PCDHA2: variants seen among roughly 807,000 people sequenced by gnomAD.
The protein encoded by PCDHA2 is protocadherin alpha-2.
A neutral mutation model predicts 66.0 loss-of-function variants in PCDHA2; 58 were observed. That is an observed-to-expected ratio of 0.88 (90% CI 0.71 to 1.09). The LOEUF (loss-of-function observed/expected upper bound fraction) is 1.09. Ranked by LOEUF, PCDHA2 falls within the 50% of genes least tolerant of loss-of-function variation. PCDHA2 has a pLI of 0.00. For synonymous variants in PCDHA2, 634 were observed against 554.0 expected (o/e 1.14, Z -2.03); for missense variants, 1,267 against 1,242.3 (o/e 1.02, Z -0.30).
chr5:140,846,374 T>C (rs1024304715), intron 1 of PCDHA2, among the ~76,000 whole-genome samples: 1 of 30,854 alleles, frequency 3.2e-5, no homozygotes, highest in African/African-American at 1.1e-4. Context: ...TCTTTCTTTC[T>C]TTTTTTTTTT....
intron 1 of PCDHA2, chr5:140,822,231 G>A: frequency 6.2e-7 from 1 of 1,614,236 alleles, no homozygotes; most frequent in Non-Finnish European, 8.5e-7. Context: ...CGCGGTTTCC[G>A]CTAGAGGGCG....
At chr5:140,956,356 T>C (rs1283114496) in intron 1 of PCDHA2, among the ~76,000 whole-genome samples, 3 of 152,218 alleles carry the variant, frequency 2.0e-5, no homozygotes, top group Non-Finnish European at 4.4e-5. Flanking sequence ...ATTTTTAACA[T>C]GAAGGGATGT....
chr5:140,851,315 T>C (rs2042026513), intron 1 of PCDHA2: 1 of 992,586 alleles, frequency 1.0e-6, no homozygotes, highest in African/African-American at 1.7e-5. Context: ...AATTGTTACC[T>C]TGTTAAGTTT....
In PCDHA2 at chr5:140,978,974, G is replaced by A. The variant is rs150254638; in HGVS notation, c.2414G>A (p.Arg805His). The A allele has an allele frequency of 2.1e-3, 3,356 of 1,614,130 alleles. 1 individual carries two copies. The highest frequency in any genetic ancestry group is 2.7e-3 in the Non-Finnish European group (3,158 of 1,180,020). The change falls in exon 2 of 4, where the codon CGT becomes CAT. Residue 805 changes from arginine (R) to histidine (H), a missense_variant. Coordinates refer to ENST00000526136, the MANE Select transcript of PCDHA2 (RefSeq NM_018905.3). ...GKPRQPNPDW[R>H]YSASLRAGMH... is the part of the protein sequence containing the mutation. ...CCACGACAGCCCAACCCTGACTGGC[G>A]TTACTCTGCCTCCCTGAGAGCAGGC...
intron 1 of PCDHA2, chr5:140,851,868 C>A: frequency 1.0e-6 from 1 of 976,710 alleles, no homozygotes; most frequent in Non-Finnish European, 1.2e-6. Context: ...ATACATAACA[C>A]AAGGCAGAAA....
intron 3 of PCDHA2, among the ~76,000 whole-genome samples, chr5:141,004,659 G>C (rs1012907350): frequency 1.3e-5 from 2 of 152,182 alleles, no homozygotes; most frequent in Admixed American, 1.3e-4. Context: ...GGCTCTGAGG[G>C]CAACTAAAGG....
intron 1 of PCDHA2, chr5:140,858,229 G>A (rs1335853818): frequency 6.3e-7 from 1 of 1,596,360 alleles, no homozygotes. Context: ...CGCCCACCGA[G>A]GGCGCATGTG....
At chr5:140,949,171 C>T (rs1554218845) in intron 1 of PCDHA2, among the ~76,000 whole-genome samples, 1 of 151,632 alleles carries the variant, frequency 6.6e-6, no homozygotes, top group Non-Finnish European at 1.5e-5. Flanking sequence ...CTCTTTTGGT[C>T]AGAGAACATA....
intron 1 of PCDHA2, chr5:140,867,470 T>C (rs1010353201): frequency 2.0e-5 from 3 of 152,066 alleles, no homozygotes; most frequent in Non-Finnish European, 4.4e-5. Context: ...ATGACAACAT[T>C]GGGAAAAGAG....
chr5:140,891,592 T>G (rs1162338197), intron 1 of PCDHA2, among the ~76,000 whole-genome samples: 1 of 152,216 alleles, frequency 6.6e-6, no homozygotes, highest in East Asian at 1.9e-4. Context: ...TATTACTCTA[T>G]CCCATCTATT....
chr5:140,846,361 T>TTTTC lies in PCDHA2; in HGVS notation c.2388+49021_2388+49024dup, dbSNP rs1362162129. ...AAAGTGCTTTCTCTTTTTTCTTTTC[T>TTTTC]TTTCTTTCTTTCTTTTTTTTTTTTT... is the stretch of plus-strand genomic sequence containing the variant. On this transcript the variant is annotated intron_variant, in intron 1 of 3. Coordinates refer to ENST00000526136, the MANE Select transcript of PCDHA2 (RefSeq NM_018905.3). 1.5e-5 allele frequency among the ~76,000 whole-genome samples: 2 copies of TTTTC among 133,632 alleles called. 1 individual carries two copies. Among genetic ancestry groups the TTTTC allele is most frequent in the Non-Finnish European group, 3.2e-5 (2 of 63,348 alleles). 87.7% of individuals were successfully genotyped at this position (133,632 alleles called of 152,430 possible). A position where few individuals can be genotyped will look rare whatever the true frequency, so the allele number is the denominator to read the frequency against.
intron 1 of PCDHA2, chr5:140,803,159 C>G (rs200661884): frequency 3.7e-6 from 6 of 1,613,894 alleles, no homozygotes; most frequent in Non-Finnish European, 5.1e-6. Context: ...TGAAGGACCA[C>G]GGTGAACCCT....
Position 141,002,911 on chromosome 5 carries a change from G to C in PCDHA2, c.2537-6716G>C, listed in dbSNP as rs565172510. Among the ~76,000 whole-genome samples the C allele has an allele frequency of 3.3e-5, 5 of 152,330 alleles. No homozygotes were observed. The South Asian group carries it at 1.0e-3, about 32-fold the overall frequency. On this transcript the variant is annotated intron_variant, in intron 3 of 3. Transcript: ENST00000526136. ...ACAAAGCAAGATGAAGAGAAGATCA[G>C]AAAAGTGAACACCCTCCAACACCCT...
intron 1 of PCDHA2, chr5:140,850,404 C>G: frequency 6.3e-7 from 1 of 1,597,970 alleles, no homozygotes; most frequent in Non-Finnish European, 8.6e-7. Context: ...AACGCGTGCC[C>G]TGGACGAAAC....
At chr5:140,915,445 G>C (rs2077121673) in intron 1 of PCDHA2, among the ~76,000 whole-genome samples, 1 of 152,024 alleles carries the variant, frequency 6.6e-6, no homozygotes, top group Non-Finnish European at 1.5e-5. Context: ...TTCTTGAGAA[G>C]GTTTTCCAGA....
intron 1 of PCDHA2, chr5:140,835,897 C>T (rs2150247732): frequency 2.5e-6 from 4 of 1,612,078 alleles, no homozygotes; most frequent in Non-Finnish European, 3.4e-6. Context: ...CGCGCGCTGT[C>T]GAGCTACGTG....
chr5:140,830,551 T>C, intron 1 of PCDHA2: 1 of 1,095,476 alleles, frequency 9.1e-7, no homozygotes, highest in African/African-American at 1.6e-5. Flanking sequence ...TCCTCATATT[T>C]GTCTTCTATA....
At chr5:140,828,512 C>A in intron 1 of PCDHA2, 2 of 1,614,238 alleles carry the variant, frequency 1.2e-6, no homozygotes, top group East Asian at 2.2e-5. Flanking sequence ...ACAAAGAGTG[C>A]TGATTTACGA....
chr5:140,917,440 C>A (rs913046487), intron 1 of PCDHA2, among the ~76,000 whole-genome samples: 1 of 151,666 alleles, frequency 6.6e-6, no homozygotes, highest in Non-Finnish European at 1.5e-5. Flanking sequence ...TTTGTTTTTG[C>A]TGCAAGAGCG....
Sources: allele counts gnomAD v4.1 joint callset (sites outside exome capture counted in the v4.1 genomes callset), GRCh38; gene constraint gnomAD v4.1.1; transcripts MANE v1.5; gene names NCBI Gene and HGNC (gene_info 2026-07-23, HGNC 2026-07-21).